NEURL1: variants seen among roughly 807,000 people sequenced by gnomAD.
NEURL1 encodes neuralized E3 ubiquitin protein ligase 1, also known as E3 ubiquitin-protein ligase NEURL1.
NEURL1 carries 26 observed loss-of-function variants against 41.2 expected under a neutral mutation model. The ratio of observed to expected loss-of-function variants is 0.63; its 90% confidence interval spans 0.46 to 0.87. The LOEUF is 0.87. NEURL1 is among the 40% of genes least tolerant of loss of function. The probability of loss-of-function intolerance (pLI) is 0.00; values close to 1 mark genes in which losing one functional copy is unlikely to be tolerated. For synonymous variants in NEURL1, 400 were observed against 402.3 expected, an observed-to-expected ratio of 0.99 and a Z score of 0.07; for missense variants, 761 against 871.1, an observed-to-expected ratio of 0.87 and a Z score of 1.59.
rs185158502 is a variant in NEURL1 at position 103,574,950 on chromosome 10, A to G, written c.649+3128A>G. 3.1e-4 allele frequency among the ~76,000 whole-genome samples: 47 copies of G among 151,742 alleles called. No individual in the cohort carries two copies. In the East Asian group the frequency reaches 6.8e-3, roughly 22 times the overall value. On this transcript the variant is annotated intron_variant, in intron 3 of 5. Coordinates refer to ENST00000369780, the MANE Select transcript of NEURL1 (RefSeq NM_004210.5). ...ACACTGATTATGGCCCCTAAATTCA[A>G]TTGGCAGATTGAGATATCCCTTCAT...
intron 1 of NEURL1, among the ~76,000 whole-genome samples, chr10:103,536,855 C>T (rs2034703976): frequency 6.6e-6 from 1 of 152,230 alleles, no homozygotes; most frequent in African/African-American, 2.4e-5. Context: ...TTGCACCATC[C>T]ATCTCCAGAA....
intron 1 of NEURL1, among the ~76,000 whole-genome samples, chr10:103,527,521 CT>C (rs1261255501): frequency 1.4e-4 from 21 of 152,054 alleles, no homozygotes; most frequent in African/African-American, 5.1e-4. Flanking sequence ...TCTTGAACTC[CT>C]GACCTCAGGT....
chr10:103,528,733 A>C (rs1240681934), intron 1 of NEURL1, among the ~76,000 whole-genome samples: 2 of 152,184 alleles, frequency 1.3e-5, no homozygotes, highest in African/African-American at 4.8e-5. Flanking sequence ...ATATAAGTAA[A>C]AGCATTCCAA....
At chr10:103,585,420 C>T (rs1002303398) in intron 4 of NEURL1, among the ~76,000 whole-genome samples, 195 bp downstream of exon 4, 16 of 152,124 alleles carry the variant, frequency 1.1e-4, no homozygotes, top group Non-Finnish European at 1.9e-4. Context: ...GGGAGACTCA[C>T]CTGGGGGGTG....
At chr10:103,542,480 C>T (rs1393929131) in intron 1 of NEURL1, among the ~76,000 whole-genome samples, 1 of 152,148 alleles carries the variant, frequency 6.6e-6, no homozygotes, top group Non-Finnish European at 1.5e-5. Context: ...CCAGGCTGGT[C>T]TCAAACTCCT....
chr10:103,564,934 T>A (rs758752609), intron 1 of NEURL1, among the ~76,000 whole-genome samples: 6 of 151,304 alleles, frequency 4.0e-5, no homozygotes, highest in Non-Finnish European at 8.8e-5. Context: ...AGGAGGGGGG[T>A]CACCCTGATG....
At chr10:103,588,773 G>A (rs570114041) in intron 4 of NEURL1, 38 of 422,780 alleles carry the variant, frequency 9.0e-5, no homozygotes, top group African/African-American at 5.8e-4. Flanking sequence ...GTGAAACCCC[G>A]TCTCTATTAA....
intron 1 of NEURL1, among the ~76,000 whole-genome samples, chr10:103,509,759 C>T (rs1164355795): frequency 1.3e-5 from 2 of 152,174 alleles, no homozygotes; most frequent in Admixed American, 1.3e-4. Context: ...CTAAGGTTCT[C>T]AGTTCCTGAG....
At chr10:103,518,149 GA>G (rs1209466947) in intron 1 of NEURL1, among the ~76,000 whole-genome samples, 1 of 152,096 alleles carries the variant, frequency 6.6e-6, no homozygotes, top group Non-Finnish European at 1.5e-5. Flanking sequence ...ACAGTTTCAG[GA>G]AGGAAGCAGT....
chr10:103,586,286 G>A (rs2035922254), intron 4 of NEURL1, among the ~76,000 whole-genome samples: 1 of 152,196 alleles, frequency 6.6e-6, no homozygotes, highest in Admixed American at 6.5e-5. Flanking sequence ...GTACCCCAGA[G>A]TGAGCAGGTA....
intron 1 of NEURL1, among the ~76,000 whole-genome samples, chr10:103,516,650 A>G (rs183231467): frequency 1.3e-5 from 2 of 152,288 alleles, no homozygotes; most frequent in African/African-American, 4.8e-5. Flanking sequence ...AGGAAAGGTC[A>G]GAGGGCCAGA....
chr10:103,571,510 A>ATCT lies in NEURL1; in HGVS notation c.337_338insTCT (p.Lys113delinsIleTer). The ATCT allele has an allele frequency of 1.2e-6, 2 of 1,603,804 alleles. No individual in the cohort carries two copies. Among genetic ancestry groups the ATCT allele is most frequent in the Non-Finnish European group, 1.7e-6 (2 of 1,178,962 alleles). ...ACCCCCTGCCACCCAGATCACCAAG[A>ATCT]AGCAGTGCTGCTGGAGCGGGGCCCT... On this transcript the variant is annotated stop_gained and protein_altering_variant, in exon 3 of 6. Coordinates refer to ENST00000369780, the MANE Select transcript of NEURL1 (RefSeq NM_004210.5). LOFTEE classifies it high-confidence loss of function.
chr10:103,530,045 C>G (rs1434345236), intron 1 of NEURL1, among the ~76,000 whole-genome samples: 1 of 152,090 alleles, frequency 6.6e-6, no homozygotes, highest in Non-Finnish European at 1.5e-5. Flanking sequence ...TGTAATGTCT[C>G]TGTTTTGATT....
At chr10:103,525,029 T>C (rs2034432084) in intron 1 of NEURL1, among the ~76,000 whole-genome samples, 1 of 152,186 alleles carries the variant, frequency 6.6e-6, no homozygotes, top group Non-Finnish European at 1.5e-5. Context: ...TTGGGTGGTA[T>C]GGTAATGTTC....
chr10:103,522,554 A>G (rs2034375513), intron 1 of NEURL1, among the ~76,000 whole-genome samples: 2 of 150,284 alleles, frequency 1.3e-5, no homozygotes. Context: ...GTGAGCCAAG[A>G]TCACGCCATT....
At chr10:103,576,398 G>A (rs942734336) in intron 3 of NEURL1, among the ~76,000 whole-genome samples, 6 of 152,334 alleles carry the variant, frequency 3.9e-5, no homozygotes, top group East Asian at 1.9e-4. Flanking sequence ...AGGTAGAAAG[G>A]TAGTGGGTGA....
At position 103,556,626 on chromosome 10, in the gene NEURL1, G is replaced by A. The variant is rs1447347962; in HGVS notation, c.86-14246G>A. Among the ~76,000 whole-genome samples the A allele has an allele frequency of 6.6e-6, 1 of 152,224 alleles. No individual in the cohort carries two copies. The highest frequency in any genetic ancestry group is 2.1e-4 in the South Asian group (1 of 4,838). On this transcript the variant is annotated intron_variant, in intron 1 of 5. Transcript: ENST00000369780. The surrounding 1 kb of genome is among the most constrained non-coding windows in gnomAD (Gnocchi z 4.4). ...TTAAAAAAGAAAAAAGACAGGGAAA[G>A]ATGTAGGAAAAGCAAATCATTGGCT... is the stretch of plus-strand genomic sequence containing the variant.
chr10:103,568,151 CT>C (rs2035464864), intron 1 of NEURL1, among the ~76,000 whole-genome samples: 1 of 152,152 alleles, frequency 6.6e-6, no homozygotes, highest in East Asian at 1.9e-4. Context: ...CATGGTGCCC[CT>C]GGACCAGAGT....
In NEURL1 at chr10:103,589,716, G is replaced by A. The variant is rs567667052; in HGVS notation, c.1486+56G>A. ...GACCATGTGGGACTGCAGCAAGGAT[G>A]CAGCCTTTGTGTCCGGGGCTGGGAG... On this transcript the variant is annotated intron_variant, in intron 5 of 5. Coordinates refer to ENST00000369780, the MANE Select transcript of NEURL1 (RefSeq NM_004210.5). The A allele has an allele frequency of 3.8e-4, 594 of 1,560,110 alleles. 5 individuals carry two copies. The South Asian group carries it at 5.5e-3, about 15-fold the overall frequency.
Sources: gnomAD v4.1 joint callset for allele counts (sites outside exome capture counted in the v4.1 genomes callset) on GRCh38, gnomAD v4.1.1 for gene constraint, Gnocchi (gnomAD v3.1) non-coding constraint, MANE v1.5 for transcripts, NCBI Gene and HGNC (gene_info 2026-07-23, HGNC 2026-07-21) for gene names.